The following USP40 variants were observed in gnomAD, a reference collection of about 807,000 sequenced individuals.
The protein encoded by USP40 is ubiquitin specific peptidase 40, also known as ubiquitin carboxyl-terminal hydrolase 40.
In USP40, 143 loss-of-function variants were observed where a neutral mutation model predicts 166.2. The observed-to-expected ratio is 0.86, with a 90% CI of 0.75 to 0.99. The LOEUF is 0.99. USP40 is among the 50% of genes least tolerant of loss of function. USP40 has a pLI of 0.00. For missense variants in USP40, 1,444 were observed against 1,479.7 expected (o/e 0.98, Z 0.40); for synonymous variants, 498 against 524.0 (o/e 0.95, Z 0.68).
At chr2:233,521,149 C>T (rs2067623816) in intron 16 of USP40, 35 bp from the exon 17 acceptor site, 2 of 1,588,530 alleles carry the variant, frequency 1.3e-6, no homozygotes, top group Admixed American at 1.8e-5. Flanking sequence ...AAATTAATAC[C>T]TTTCCTTAGG....
intron 10 of USP40, among the ~76,000 whole-genome samples, chr2:233,539,338 A>G (rs2069188703): frequency 6.6e-6 from 1 of 152,152 alleles, no homozygotes; most frequent in African/African-American, 2.4e-5. Flanking sequence ...CAGAACATTG[A>G]GCAGGATAGA....
At chr2:233,557,087 C>T (rs557984664) in intron 4 of USP40, 68 bp from the exon 5 acceptor site, 2 of 1,385,890 alleles carry the variant, frequency 1.4e-6, no homozygotes, top group South Asian at 2.8e-5. Flanking sequence ...AAAAAACAAA[C>T]ATTAGTCAAT....
intron 28 of USP40, 68 bp downstream of exon 28, chr2:233,488,171 A>G: frequency 7.3e-7 from 1 of 1,362,690 alleles, no homozygotes; most frequent in Non-Finnish European, 1.0e-6. Flanking sequence ...GAAGTTGTTA[A>G]AGCTTCAAAA....
intron 11 of USP40, among the ~76,000 whole-genome samples, chr2:233,531,703 C>T (rs544581212): frequency 6.6e-6 from 1 of 152,236 alleles, no homozygotes; most frequent in East Asian, 1.9e-4. Context: ...GATTCACATG[C>T]AAATTAGTAA....
Position 233,475,630 on chromosome 2 carries a change from AGGCCACACGCACAGGCCGGCCC to A in USP40, c.*1740_*1761del, listed in dbSNP as rs2064147725. 6.6e-6 allele frequency: 1 copy of A among 152,408 alleles called. No homozygotes were observed. The highest frequency in any genetic ancestry group is 2.4e-5 in the African/African-American group (1 of 41,470). The allele number at this position is 152,408 out of a possible 1,614,324, so 9.4% of individuals were successfully genotyped here. ...AACAGGAAGAAAGGGAAGAAGGCAAAGGCCACACGCACAGGCCGGCCCGGCCGCACGCGCCTGCTGGACGGCA... is the reference window on the plus strand; with the variant it reads ...AACAGGAAGAAAGGGAAGAAGGCAAAGGCCGCACGCGCCTGCTGGACGGCA... On this transcript the variant is annotated 3_prime_UTR_variant, in exon 32 of 32. Coordinates refer to ENST00000678225, the MANE Select transcript of USP40 (RefSeq NM_001365479.2).
intron 23 of USP40, among the ~76,000 whole-genome samples, chr2:233,497,155 CAGA>C (rs1409998459): frequency 3.3e-5 from 5 of 151,992 alleles, no homozygotes; most frequent in Non-Finnish European, 7.4e-5. Flanking sequence ...GAGAAAATAA[CAGA>C]AGGAATTTCT....
In USP40 at chr2:233,477,239, C is replaced by G. The variant is rs1367178259; in HGVS notation, c.*153G>C. ...TTGCAGAGCTAAGTGACTACATGCA[C>G]TGGCCAGGCCTCAGAGGAGCCGTCC... On this transcript the variant is annotated 3_prime_UTR_variant, in exon 32 of 32. Coordinates refer to ENST00000678225, the MANE Select transcript of USP40 (RefSeq NM_001365479.2). The G allele has an allele frequency of 2.7e-6, 2 of 728,482 alleles. No individual in the cohort carries two copies. The highest frequency in any genetic ancestry group is 4.7e-6 in the Non-Finnish European group (2 of 421,564). The allele number at this position is 728,482 out of a possible 1,614,324, so 45.1% of individuals were successfully genotyped here.
At position 233,494,956 on chromosome 2, in the gene USP40, T is replaced by TTATA. The variant is rs71058559; in HGVS notation, c.2791-1409_2791-1406dup. On this transcript the variant is annotated intron_variant, in intron 24 of 31. Coordinates refer to ENST00000678225, the MANE Select transcript of USP40 (RefSeq NM_001365479.2). ...TATATATATATATATATATATATAT[T>TTATA]TATATATATATATATATATATATAC... is the stretch of plus-strand genomic sequence containing the variant. Among the ~76,000 whole-genome samples the TTATA allele has an allele frequency of 9.4e-3, 330 of 35,268 alleles. 2 individuals are homozygous for TTATA. Among genetic ancestry groups the TTATA allele is most frequent in the South Asian group, 0.016 (17 of 1,050 alleles). 23.1% of individuals were successfully genotyped at this position (35,268 alleles called of 152,430 possible).
At chr2:233,522,307 G>A (rs557823391) in intron 16 of USP40, among the ~76,000 whole-genome samples, 2 of 152,098 alleles carry the variant, frequency 1.3e-5, no homozygotes, top group East Asian at 1.9e-4. Context: ...CTTCACTTTT[G>A]TATTTCCCCA....
intron 8 of USP40, chr2:233,546,678 T>C (rs553460993): frequency 1.3e-5 from 2 of 152,152 alleles, no homozygotes; most frequent in Admixed American, 1.3e-4. Flanking sequence ...ATGAACACCA[T>C]AATAAACACT....
intron 18 of USP40, among the ~76,000 whole-genome samples, chr2:233,513,886 GACA>G (rs1484965870): frequency 3.3e-5 from 5 of 152,142 alleles, no homozygotes; most frequent in Non-Finnish European, 5.9e-5. Context: ...GTTCTGTATA[GACA>G]ACAATAGTCT....
intron 14 of USP40, among the ~76,000 whole-genome samples, chr2:233,525,023 A>G (rs972081390): frequency 6.6e-6 from 1 of 152,234 alleles, no homozygotes; most frequent in African/African-American, 2.4e-5. Context: ...TACTGCCGCT[A>G]CTGTTAATTC....
chr2:233,542,502 G>A (rs1273312871), intron 8 of USP40, 139 bp from the exon 9 acceptor site: 9 of 566,992 alleles, frequency 1.6e-5, no homozygotes, highest in Admixed American at 3.2e-5. Flanking sequence ...CTTGAGCCAG[G>A]AGTTCAAGAC....
intron 18 of USP40, among the ~76,000 whole-genome samples, chr2:233,514,066 T>C (rs773910734): frequency 2.0e-5 from 3 of 152,228 alleles, no homozygotes; most frequent in Non-Finnish European, 4.4e-5. Flanking sequence ...TAAAAAGTGC[T>C]TTTAAAATAC....
intron 30 of USP40, among the ~76,000 whole-genome samples, chr2:233,481,794 T>C (rs1273352106): frequency 1.3e-5 from 2 of 152,256 alleles, no homozygotes; most frequent in Non-Finnish European, 1.5e-5. Flanking sequence ...AAACACAGGC[T>C]GCTCCCTGCA....
chr2:233,481,124 T>C, intron 31 of USP40, 79 bp downstream of exon 31: 1 of 1,366,694 alleles, frequency 7.3e-7, no homozygotes, highest in Non-Finnish European at 1.0e-6. Context: ...TTCCGGTCCC[T>C]CTCAGTTTCC....
rs1452614732 is a variant in USP40 at position 233,519,613 on chromosome 2, C to T, written c.2383+1G>A. 3 of 1,436,836 alleles carry T rather than the reference C, an allele frequency of 2.1e-6. No individual in the cohort carries two copies. Among genetic ancestry groups the T allele is most frequent in the South Asian group, 1.2e-5 (1 of 80,424 alleles). The allele number at this position is 1,436,836 out of a possible 1,614,324, so 89.0% of individuals were successfully genotyped here. On this transcript the variant is annotated splice_donor_variant, in intron 18 of 31. Coordinates refer to ENST00000678225, the MANE Select transcript of USP40 (RefSeq NM_001365479.2). LOFTEE classifies it high-confidence loss of function. ...ACCGAAAAGAAAATGTAAATGATTACCTAGTTCCTTCATTAATTTTAATTC... is the reference window on the plus strand; with the variant it reads ...ACCGAAAAGAAAATGTAAATGATTATCTAGTTCCTTCATTAATTTTAATTC...
chr2:233,531,894 A>G (rs2068556041), intron 11 of USP40, among the ~76,000 whole-genome samples: 1 of 152,198 alleles, frequency 6.6e-6, no homozygotes, highest in Non-Finnish European at 1.5e-5. Context: ...CTGTAATCCC[A>G]GTGAGGCAGG....
In USP40 at chr2:233,526,505, G is replaced by T. The variant is rs538185426; in HGVS notation, c.1725+902C>A. On this transcript the variant is annotated intron_variant, in intron 13 of 31. Transcript: ENST00000678225. ...TTTAAAAAACTTCAAATCAACTAAG[G>T]TTAAAAGGGAAATTGCTTTGCTTTT... Among the ~76,000 whole-genome samples, 71 of 152,116 alleles carry T rather than the reference G, an allele frequency of 4.7e-4. 1 individual carries two copies. In the South Asian group the frequency reaches 8.3e-3, roughly 18 times the overall value.
Sources: allele counts gnomAD v4.1 joint callset (sites outside exome capture counted in the v4.1 genomes callset), GRCh38; gene constraint gnomAD v4.1.1; transcripts MANE v1.5; gene names NCBI Gene and HGNC (gene_info 2026-07-23, HGNC 2026-07-21).